The following SP110 variants were observed in gnomAD, a reference collection of about 807,000 sequenced individuals.
SP110 encodes SP110 nuclear body protein, also known as interferon-induced protein 41, 30kD.
A neutral mutation model predicts 92.7 loss-of-function variants in SP110; 62 were observed. That is an observed-to-expected ratio of 0.67 (90% confidence interval 0.55 to 0.83). The LOEUF is 0.83. SP110 is among the 40% of genes least tolerant of loss of function. The pLI is 0.00. For missense variants in SP110, 793 were observed against 863.9 expected (o/e 0.92, Z 1.03); for synonymous variants, 273 against 305.3 (o/e 0.89, Z 1.10).
At chr2:230,200,367 C>A (rs41423848) in intron 10 of SP110, 23,022 of 158,184 alleles carry the variant, frequency 0.15, 2,056 homozygotes, top group South Asian at 0.27. Context: ...CACAATTTTA[C>A]CAGCACATGC....
intron 8 of SP110, among the ~76,000 whole-genome samples, chr2:230,206,804 C>T (rs1377234609): frequency 6.6e-6 from 1 of 151,662 alleles, no homozygotes; most frequent in Non-Finnish European, 1.5e-5. Flanking sequence ...TTTTCCTCTT[C>T]CCACACCATG....
chr2:230,176,685 T>C lies in SP110; in HGVS notation c.1590+853A>G, dbSNP rs146926587. The C allele has an allele frequency of 4.5e-4, 721 of 1,613,638 alleles. 2 individuals are homozygous for C. The highest frequency in any genetic ancestry group is 4.9e-4 in the Non-Finnish European group (583 of 1,179,652). ...GAAATTCACTTGCTATTTAACTCTCTCTTGAGATTTATTCTTGGAGGACAG... is the reference window on the plus strand; with the variant it reads ...GAAATTCACTTGCTATTTAACTCTCCCTTGAGATTTATTCTTGGAGGACAG... On this transcript the variant is annotated intron_variant, in intron 14 of 18. Transcript: ENST00000258381.
chr2:230,214,241 C>G (rs927829760), intron 3 of SP110: 1 of 152,286 alleles, frequency 6.6e-6, no homozygotes, highest in East Asian at 1.9e-4. Context: ...ATGATCCATT[C>G]TTTCTCAGAC....
Position 230,186,046 on chromosome 2 carries a change from C to T in SP110, c.1227G>A (p.Met409Ile), listed in dbSNP as rs201972538. Residue 409 changes from methionine (M) to isoleucine (I), a missense_variant, in exon 11 of 19, where the codon ATG (methionine) becomes ATA (isoleucine). Physicochemically the swap from Met to Ile is conservative, Grantham distance 10. Transcript: ENST00000258381. ...KDDSTWNSEVMMRVQKARTKC... is the reference protein window; with the variant it reads ...KDDSTWNSEVIMRVQKARTKC... ...TAGTTCTTGCCTTTTGGACCCTCAT[C>T]ATGACCTCTGAGTTCCAGGTTGAGT... The T allele has an allele frequency of 5.6e-6, 9 of 1,614,126 alleles. No individual in the cohort carries two copies. The highest frequency in any genetic ancestry group is 1.7e-5 in the Admixed American group (1 of 60,020).
At chr2:230,212,564 A>G in intron 4 of SP110, 134 bp from the exon 5 acceptor site, 1 of 1,034,244 alleles carries the variant, frequency 9.7e-7, no homozygotes, top group Non-Finnish European at 1.5e-6. Flanking sequence ...GGGAGTGGGA[A>G]GCAGGTGTTC....
chr2:230,169,125 C>T lies in SP110; in HGVS notation c.2141G>A (p.Ter714=). The T allele has an allele frequency of 6.2e-7, 1 of 1,600,114 alleles. No individual in the cohort carries two copies. Among genetic ancestry groups the T allele is most frequent in the Non-Finnish European group, 8.6e-7 (1 of 1,167,506 alleles). ...TGCTTCAGTCTTTACAGAACAGGGTCAAGGAAGAGTCCAGAAACCGCCGTC... is the reference window on the plus strand; with the variant it reads ...TGCTTCAGTCTTTACAGAACAGGGTTAAGGAAGAGTCCAGAAACCGCCGTC... ...ANDGGFWTLP[*] is the part of the protein sequence containing the mutation. The change falls in exon 19 of 19, where the codon TGA becomes TAA. Residue 714 remains the stop codon, a stop_retained_variant. Coordinates refer to ENST00000258381, the MANE Select transcript of SP110 (RefSeq NM_080424.4).
intron 12 of SP110, among the ~76,000 whole-genome samples, 169 bp downstream of exon 12, chr2:230,183,403 G>C (rs188989894): frequency 5.3e-5 from 8 of 152,280 alleles, no homozygotes; most frequent in Admixed American, 3.3e-4. Context: ...AAGGGGGTGG[G>C]TTAGGCTGGC....
intron 1 of SP110, among the ~76,000 whole-genome samples, chr2:230,218,960 C>T (rs767020489): frequency 6.6e-6 from 1 of 152,208 alleles, no homozygotes; most frequent in Non-Finnish European, 1.5e-5. Context: ...CATGGTGGCT[C>T]ATGCCTGTAA....
At chr2:230,195,875 A>G (rs1399856802) in intron 10 of SP110, among the ~76,000 whole-genome samples, 1 of 152,200 alleles carries the variant, frequency 6.6e-6, no homozygotes, top group African/African-American at 2.4e-5. Context: ...AGCATATAGA[A>G]GGTTAATATC....
chr2:230,199,261 T>C (rs1468915575), intron 10 of SP110, among the ~76,000 whole-genome samples: 1 of 136,146 alleles, frequency 7.3e-6, no homozygotes, highest in Non-Finnish European at 1.5e-5. Flanking sequence ...TAGGCTAGAG[T>C]GTAGTGGTGT....
At position 230,212,886 on chromosome 2, in the gene SP110, G is replaced by A. The variant is rs115824749; in HGVS notation, c.458C>T (p.Ala153Val). ...TGTTCCAGGCTCACTGACTCTTGGCGCACAGGGTGAACAGCTTGGTTGAGG... is the reference window on the plus strand; with the variant it reads ...TGTTCCAGGCTCACTGACTCTTGGCACACAGGGTGAACAGCTTGGTTGAGG... ...QPPQPSCSPC[A>V]PRVSEPGTSS... The change falls in exon 4 of 19, where the codon GCG (alanine) becomes GTG (valine). Residue 153 changes from alanine to valine, a missense_variant. Transcript: ENST00000258381. The A allele has an allele frequency of 1.4e-5, 22 of 1,614,074 alleles. No individual in the cohort carries two copies. The East Asian group carries it at 3.1e-4, about 23-fold the overall frequency.
intron 1 of SP110, 86 bp from the exon 2 acceptor site, chr2:230,217,014 G>C: frequency 9.1e-7 from 1 of 1,101,334 alleles, no homozygotes; most frequent in Non-Finnish European, 1.3e-6. Flanking sequence ...GGGAGGCCGA[G>C]GTGGGTGGAT....
intron 14 of SP110, chr2:230,174,149 C>T (rs1005653235): frequency 6.6e-6 from 1 of 152,142 alleles, no homozygotes. Context: ...GTATGGGCCA[C>T]TGCCCCAGGC....
At chr2:230,184,291 T>C (rs1357844481) in intron 11 of SP110, among the ~76,000 whole-genome samples, 1 of 152,190 alleles carries the variant, frequency 6.6e-6, no homozygotes, top group African/African-American at 2.4e-5. Flanking sequence ...TATGGCCTTA[T>C]AAATATCACA....
At position 230,177,770 on chromosome 2, in the gene SP110, C is replaced by G. The variant is rs1560529835; in HGVS notation, c.1448-90G>C. On this transcript the variant is annotated intron_variant, in intron 13 of 18. Transcript: ENST00000258381. ...ATCCTAATTGTGGCCTTCTACCTTT[C>G]CAGGTCAAGAGAGACTTCCTCTGTG... 32 of 1,420,168 alleles carry G rather than the reference C, an allele frequency of 2.3e-5. No homozygotes were observed. The South Asian group carries it at 2.4e-4, about 11-fold the overall frequency. The allele number at this position is 1,420,168 out of a possible 1,614,324, so 88.0% of individuals were successfully genotyped here. A position where few individuals can be genotyped will look rare whatever the true frequency, so the allele number is the denominator to read the frequency against.
intron 12 of SP110, among the ~76,000 whole-genome samples, chr2:230,178,897 A>G (rs2041989804): frequency 6.6e-6 from 1 of 152,210 alleles, no homozygotes; most frequent in Admixed American, 6.5e-5. Context: ...AGGGTTTAAA[A>G]TAAATCTCAG....
chr2:230,192,477 C>T (rs974974456), intron 10 of SP110, among the ~76,000 whole-genome samples: 6 of 152,056 alleles, frequency 3.9e-5, no homozygotes, highest in African/African-American at 1.4e-4. Context: ...CACAAGTATG[C>T]CTTTACACCA....
intron 14 of SP110, chr2:230,173,428 A>T: frequency 4.7e-6 from 1 of 213,948 alleles, no homozygotes; most frequent in Non-Finnish European, 9.7e-6. Context: ...TGGCCCTAAA[A>T]TGTTCCACAG....
In SP110 at chr2:230,171,507, G is replaced by C. The variant is rs2078439358; in HGVS notation, c.1887+189C>G. On this transcript the variant is annotated intron_variant, in intron 17 of 18. Coordinates refer to ENST00000258381, the MANE Select transcript of SP110 (RefSeq NM_080424.4). ...GTATCCCAGAGCCCGTGAGCAGTGG[G>C]GTGGAGTTTGAACCAGGTAGTCCCT... 4 of 639,556 alleles carry C rather than the reference G, an allele frequency of 6.3e-6. No homozygotes were observed. In the Admixed American group the frequency reaches 9.5e-5, roughly 15 times the overall value. The allele number at this position is 639,556 out of a possible 1,614,324, so 39.6% of individuals were successfully genotyped here. A position where few individuals can be genotyped will look rare whatever the true frequency, so the allele number is the denominator to read the frequency against.
Sources: gnomAD v4.1 joint callset for allele counts (sites outside exome capture counted in the v4.1 genomes callset) on GRCh38, gnomAD v4.1.1 for gene constraint, MANE v1.5 for transcripts, NCBI Gene and HGNC (gene_info 2026-07-23, HGNC 2026-07-21) for gene names.